Variants in PRTFDC1 observed in about 807,000 individuals in gnomAD.
PRTFDC1 encodes phosphoribosyltransferase domain-containing protein 1.
In PRTFDC1, 38 loss-of-function variants were observed where a neutral mutation model predicts 34.6. The observed-to-expected ratio is 1.10, with a 90% CI of 0.85 to 1.44. The LOEUF is 1.44. PRTFDC1 is among the 40% of genes most tolerant of loss of function. The pLI is 0.00. For synonymous variants in PRTFDC1, 93 were observed against 98.1 expected, an observed-to-expected ratio of 0.95 and a Z score of 0.31; for missense variants, 270 against 283.0, an observed-to-expected ratio of 0.95 and a Z score of 0.33.
intron 3 of PRTFDC1, among the ~76,000 whole-genome samples, chr10:24,873,754 ATCTAGAAGTACAGT>A (rs34117365): frequency 0.015 from 2,329 of 152,070 alleles, 55 homozygotes; most frequent in African/African-American, 0.054. Flanking sequence ...CTGTGTCTCT[ATCTAGAAGTACAGT>A]TACTTTGTTA....
At chr10:24,858,430 A>G in intron 4 of PRTFDC1, 21 bp from the exon 5 acceptor site, 1 of 1,612,666 alleles carries the variant, frequency 6.2e-7, no homozygotes, top group Non-Finnish European at 8.5e-7. Flanking sequence ...CAAAACCCAT[A>G]TTTTAGAATG....
Position 24,866,339 on chromosome 10 carries a change from C to T in PRTFDC1, c.405+5659G>A, listed in dbSNP as rs535387972. 3.7e-4 allele frequency among the ~76,000 whole-genome samples: 48 copies of T among 128,138 alleles called. 1 individual carries two copies. The Middle Eastern group carries it at 0.022, about 59-fold the overall frequency. 84.1% of individuals were successfully genotyped at this position (128,138 alleles called of 152,430 possible). On this transcript the variant is annotated intron_variant, in intron 4 of 8. Coordinates refer to ENST00000320152, the MANE Select transcript of PRTFDC1 (RefSeq NM_020200.7). ...TCGTACCACTGCACTCCAGCCTGGG[C>T]GATAGAGCGAGATTCTGCCTCAAAA...
intron 3 of PRTFDC1, among the ~76,000 whole-genome samples, chr10:24,879,526 A>G (rs991542868): frequency 4.0e-5 from 6 of 151,748 alleles, no homozygotes; most frequent in East Asian, 1.9e-4. Flanking sequence ...TTGTATTTTT[A>G]GTAGAGAGAT....
intron 4 of PRTFDC1, among the ~76,000 whole-genome samples, chr10:24,864,134 A>G (rs937592924): frequency 2.0e-5 from 3 of 152,144 alleles, no homozygotes; most frequent in Admixed American, 2.0e-4. Context: ...TAACCTGATG[A>G]TCAAACTTGA....
chr10:24,939,301 CAAAA>C (rs34582221), intron 2 of PRTFDC1, among the ~76,000 whole-genome samples: 4 of 89,808 alleles, frequency 4.5e-5, no homozygotes, highest in African/African-American at 4.3e-5. Context: ...AACTCTGACT[CAAAA>C]AAAAAAAAAA....
intron 3 of PRTFDC1, among the ~76,000 whole-genome samples, chr10:24,928,878 A>C (rs1848922862): frequency 6.6e-6 from 1 of 151,624 alleles, no homozygotes; most frequent in Non-Finnish European, 1.5e-5. Context: ...TCTACTAAAA[A>C]ACTACAAAAA....
In PRTFDC1 at chr10:24,867,066, T is replaced by C. The variant is rs74632241; in HGVS notation, c.405+4932A>G. Among the ~76,000 whole-genome samples the C allele has an allele frequency of 2.7e-3, 414 of 151,886 alleles. 1 individual carries two copies. The highest frequency in any genetic ancestry group is 9.4e-3 in the African/African-American group (391 of 41,478). On this transcript the variant is annotated intron_variant, in intron 4 of 8. Coordinates refer to ENST00000320152, the MANE Select transcript of PRTFDC1 (RefSeq NM_020200.7). ...GGAGAGAGAGAGAGAGAGGGCTGTG[T>C]AGAGTCTCCTTTTTTTCTAAATATT...
intron 3 of PRTFDC1, among the ~76,000 whole-genome samples, chr10:24,921,093 TAA>T (rs59824439): frequency 2.7e-5 from 4 of 147,888 alleles, no homozygotes; most frequent in African/African-American, 9.9e-5. Flanking sequence ...TACAAGTGAT[TAA>T]AAAAAAAACA....
At chr10:24,935,758 C>A (rs1849040052) in intron 3 of PRTFDC1, among the ~76,000 whole-genome samples, 1 of 152,210 alleles carries the variant, frequency 6.6e-6, no homozygotes, top group South Asian at 2.1e-4. Flanking sequence ...TTCCGTCAGA[C>A]TTGAAGAAGC....
intron 3 of PRTFDC1, among the ~76,000 whole-genome samples, chr10:24,897,330 A>G (rs1485899543): frequency 1.3e-5 from 2 of 152,190 alleles, no homozygotes; most frequent in African/African-American, 4.8e-5. Flanking sequence ...GTCTATCCCT[A>G]TCCCTAAGTC....
At chr10:24,935,485 T>C (rs917646285) in intron 3 of PRTFDC1, among the ~76,000 whole-genome samples, 6 of 152,154 alleles carry the variant, frequency 3.9e-5, no homozygotes, top group African/African-American at 1.4e-4. Context: ...TCAGAACTAA[T>C]TTCCAGCTGC....
Position 24,952,535 on chromosome 10 carries a change from C to A in PRTFDC1, c.41G>T (p.Gly14Val). The A allele has an allele frequency of 6.3e-7, 1 of 1,589,288 alleles. No homozygotes were observed. Among genetic ancestry groups the A allele is most frequent in the Non-Finnish European group, 8.6e-7 (1 of 1,167,510 alleles). ...SSEEAPDYGRGVVIMDDWPGY... is the reference protein window; with the variant it reads ...SSEEAPDYGRVVVIMDDWPGY... ...TAGGGAGTTTGCATTTACCACGACG[C>A]CTCGCCCGTAGTCTGGCGCCTCCTC... Residue 14 changes from glycine (G) to valine (V), a missense_variant, in exon 1 of 9, where the codon GGC (glycine) becomes GTC (valine). Transcript: ENST00000320152. The surrounding 1 kb of genome is among the most constrained non-coding windows in gnomAD (Gnocchi z 5.1).
At chr10:24,922,454 G>A (rs1169659905) in intron 3 of PRTFDC1, among the ~76,000 whole-genome samples, 2 of 152,228 alleles carry the variant, frequency 1.3e-5, no homozygotes, top group African/African-American at 2.4e-5. Flanking sequence ...CCTGTGGGAA[G>A]TAATTGAATC....
Position 24,908,829 on chromosome 10 carries a change from C to T in PRTFDC1, c.339+28355G>A, listed in dbSNP as rs573768653. 7.0e-5 allele frequency: 91 copies of T among 1,291,496 alleles called. No individual in the cohort carries two copies. The African/African-American group carries it at 1.2e-3, about 17-fold the overall frequency. 80.0% of individuals were successfully genotyped at this position (1,291,496 alleles called of 1,614,324 possible). On this transcript the variant is annotated intron_variant, in intron 3 of 8. Transcript: ENST00000320152. ...CTCACATCCCCCTTTTCCAAATAGC[C>T]CATTTGATTCCAGCCACCTCAAGAA...
chr10:24,933,957 T>C (rs1283121429), intron 3 of PRTFDC1, among the ~76,000 whole-genome samples: 5 of 152,106 alleles, frequency 3.3e-5, no homozygotes, highest in Admixed American at 3.3e-4. Context: ...CCTGCCAAAG[T>C]GCTAGGATGA....
intron 3 of PRTFDC1, among the ~76,000 whole-genome samples, chr10:24,891,272 A>G (rs1308423508): frequency 6.6e-6 from 1 of 152,158 alleles, no homozygotes; most frequent in African/African-American, 2.4e-5. Flanking sequence ...GTATGGGTAT[A>G]TATCCTTACA....
At chr10:24,899,602 A>G (rs1565270958) in intron 3 of PRTFDC1, among the ~76,000 whole-genome samples, 1 of 152,216 alleles carries the variant, frequency 6.6e-6, no homozygotes, top group Non-Finnish European at 1.5e-5. Context: ...TTTCTAGAGC[A>G]TACTGATTTT....
chr10:24,927,498 C>T (rs1848895628), intron 3 of PRTFDC1, among the ~76,000 whole-genome samples: 1 of 151,558 alleles, frequency 6.6e-6, no homozygotes, highest in African/African-American at 2.4e-5. Flanking sequence ...ATATTTTAGA[C>T]ACTAACATGG....
At chr10:24,888,294 G>A (rs898206351) in intron 3 of PRTFDC1, among the ~76,000 whole-genome samples, 5 of 152,220 alleles carry the variant, frequency 3.3e-5, no homozygotes, top group African/African-American at 1.2e-4. Context: ...CTCAAAGAGT[G>A]GCTCAGACCC....
Sources: allele counts gnomAD v4.1 joint callset (sites outside exome capture counted in the v4.1 genomes callset), GRCh38; gene constraint gnomAD v4.1.1; non-coding constraint Gnocchi (gnomAD v3.1); transcripts MANE v1.5; gene names NCBI Gene and HGNC (gene_info 2026-07-23, HGNC 2026-07-21).